Variants in DPY19L1 observed in about 807,000 individuals in gnomAD.
DPY19L1 encodes protein C-mannosyl-transferase DPY19L1.
DPY19L1 carries 35 observed loss-of-function variants against 96.9 expected under a neutral mutation model. That is an observed-to-expected ratio of 0.36 (90% CI 0.28 to 0.48). DPY19L1 has a LOEUF of 0.48. Ranked by LOEUF, DPY19L1 falls within the 20% of genes least tolerant of loss-of-function variation. The pLI is 0.99. For missense variants in DPY19L1, 521 were observed against 777.9 expected, an observed-to-expected ratio of 0.67 and a Z score of 3.93; for synonymous variants, 205 against 252.6, an observed-to-expected ratio of 0.81 and a Z score of 1.79.
chr7:34,983,567 G>A (rs554574619), intron 7 of DPY19L1, among the ~76,000 whole-genome samples: 1 of 147,172 alleles, frequency 6.8e-6, no homozygotes, highest in African/African-American at 2.5e-5. Flanking sequence ...AGGGAGGGAG[G>A]GATGGAAATT....
intron 14 of DPY19L1, among the ~76,000 whole-genome samples, chr7:34,948,769 A>G (rs1478083475): frequency 6.6e-6 from 1 of 152,206 alleles, no homozygotes; most frequent in African/African-American, 2.4e-5. Context: ...TGTTTGTTTC[A>G]GCAGGTTTAA....
intron 6 of DPY19L1, among the ~76,000 whole-genome samples, chr7:35,004,549 T>A (rs1385327237): frequency 1.3e-5 from 2 of 152,240 alleles, no homozygotes; most frequent in Non-Finnish European, 2.9e-5. Flanking sequence ...TATTTATTTT[T>A]CTAATCTGTG....
intron 1 of DPY19L1, among the ~76,000 whole-genome samples, chr7:35,035,379 A>G (rs1172966909): frequency 6.6e-6 from 1 of 152,246 alleles, no homozygotes; most frequent in African/African-American, 2.4e-5. Context: ...TCATCCAAAT[A>G]TAAGTCATGC....
chr7:35,003,003 C>T (rs1196995797), intron 6 of DPY19L1, among the ~76,000 whole-genome samples: 1 of 152,130 alleles, frequency 6.6e-6, no homozygotes, highest in Non-Finnish European at 1.5e-5. Context: ...ATCTCCTGAC[C>T]TTGTGATCCA....
At chr7:35,026,344 T>C (rs1325098457) in intron 1 of DPY19L1, among the ~76,000 whole-genome samples, 1 of 152,172 alleles carries the variant, frequency 6.6e-6, no homozygotes, top group Non-Finnish European at 1.5e-5. Context: ...TCATAGACAC[T>C]TTAAAGAGCA....
At chr7:35,023,096 G>A (rs758545139) in intron 1 of DPY19L1, among the ~76,000 whole-genome samples, 4 of 152,100 alleles carry the variant, frequency 2.6e-5, no homozygotes, top group Non-Finnish European at 4.4e-5. Flanking sequence ...CCCATGTCTG[G>A]CCGGTAGAGA....
chr7:35,036,781 CAA>C (rs1786411802), intron 1 of DPY19L1, among the ~76,000 whole-genome samples: 1 of 152,018 alleles, frequency 6.6e-6, no homozygotes, highest in African/African-American at 2.4e-5. Flanking sequence ...CAGCAGCGCT[CAA>C]GTCTCGTTAG....
intron 3 of DPY19L1, among the ~76,000 whole-genome samples, chr7:35,014,822 A>G (rs749221928): frequency 1.8e-4 from 28 of 152,194 alleles, no homozygotes; most frequent in Non-Finnish European, 3.1e-4. Context: ...CTCTAAACCC[A>G]ACACAACTGA....
At chr7:35,023,883 T>TGGA (rs1786058569) in intron 1 of DPY19L1, among the ~76,000 whole-genome samples, 1 of 138,984 alleles carries the variant, frequency 7.2e-6, no homozygotes, top group African/African-American at 2.6e-5. Context: ...TCACCCAGGC[T>TGGA]GGAGTACAGT....
intron 14 of DPY19L1, 39 bp from the exon 15 acceptor site, chr7:34,947,740 T>G (rs746351685): frequency 1.3e-6 from 2 of 1,511,956 alleles, no homozygotes; most frequent in Non-Finnish European, 1.8e-6. Context: ...AGGAAACATT[T>G]TAACCAAACA....
chr7:34,943,038 G>C lies in DPY19L1; in HGVS notation c.1545-399C>G, dbSNP rs544743122. ...AATCTGAGTTCAAGGGAGAAGTCTG[G>C]GTCAGAGACAGAAATGTGTGAGTTG... is the stretch of plus-strand genomic sequence containing the variant. On this transcript the variant is annotated intron_variant, in intron 16 of 21. Coordinates refer to ENST00000638088, the MANE Select transcript of DPY19L1 (RefSeq NM_001366673.1). 1.3e-4 allele frequency among the ~76,000 whole-genome samples: 20 copies of C among 152,190 alleles called. No homozygotes were observed. In the East Asian group the frequency reaches 3.9e-3, roughly 29 times the overall value.
intron 13 of DPY19L1, among the ~76,000 whole-genome samples, chr7:34,950,657 T>G (rs996326123): frequency 2.0e-5 from 3 of 151,848 alleles, no homozygotes; most frequent in African/African-American, 7.3e-5. Flanking sequence ...AGGGTAAGAG[T>G]AGGAACTAGA....
chr7:35,037,903 A>C (rs1786488742), upstream of DPY19L1: 2 of 1,238,176 alleles, frequency 1.6e-6, no homozygotes, highest in Non-Finnish European at 2.0e-6. Context: ...CCATTGTGGG[A>C]GTGATGGGGC....
chr7:34,939,347 C>A lies in DPY19L1; in HGVS notation c.1893G>T (p.Thr631=). Residue 631 remains threonine, a synonymous_variant, in exon 20 of 22, where the codon ACG becomes ACT. Coordinates refer to ENST00000638088, the MANE Select transcript of DPY19L1 (RefSeq NM_001366673.1). ...PDAVFAGAMP[T]MASVKLSALR... is the part of the protein sequence containing the mutation. The stretch of plus-strand genomic sequence containing the variant: ...GTGCAGAGAGCTTAACACTTGCCAT[C>A]GTGGGCATGGCACCCGCAAACACTG... 9.9e-6 allele frequency: 16 copies of A among 1,613,940 alleles called. No individual in the cohort carries two copies. Among genetic ancestry groups the A allele is most frequent in the Non-Finnish European group, 1.4e-5 (16 of 1,179,926 alleles).
intron 1 of DPY19L1, among the ~76,000 whole-genome samples, chr7:35,031,350 C>A (rs1786256026): frequency 6.6e-6 from 1 of 152,132 alleles, no homozygotes; most frequent in Non-Finnish European, 1.5e-5. Flanking sequence ...TTTAAAGTAT[C>A]CAGGAGTATG....
intron 1 of DPY19L1, among the ~76,000 whole-genome samples, chr7:35,022,821 T>G (rs893614472): frequency 6.6e-6 from 1 of 152,166 alleles, no homozygotes; most frequent in Admixed American, 6.5e-5. Flanking sequence ...GGAGCCCCCA[T>G]TTACTTTGTG....
chr7:34,963,337 ATGT>A (rs1313169299), intron 10 of DPY19L1, among the ~76,000 whole-genome samples: 11 of 152,200 alleles, frequency 7.2e-5, no homozygotes, highest in Non-Finnish European at 1.3e-4. Context: ...CAGAAAATAA[ATGT>A]TGGTGATTAC....
chr7:34,995,465 GA>G (rs1445531918), intron 6 of DPY19L1, among the ~76,000 whole-genome samples: 4 of 152,102 alleles, frequency 2.6e-5, no homozygotes, highest in African/African-American at 9.6e-5. Flanking sequence ...ATTTTTCTTA[GA>G]TATAAAATGA....
intron 21 of DPY19L1, among the ~76,000 whole-genome samples, chr7:34,933,467 AG>A (rs1783801211): frequency 6.6e-6 from 1 of 152,200 alleles, no homozygotes; most frequent in Non-Finnish European, 1.5e-5. Flanking sequence ...TGTGATGGTC[AG>A]TATTGAGTGT....
Sources: allele counts gnomAD v4.1 joint callset (sites outside exome capture counted in the v4.1 genomes callset), GRCh38; gene constraint gnomAD v4.1.1; transcripts MANE v1.5; gene names NCBI Gene and HGNC (gene_info 2026-07-23, HGNC 2026-07-21).